NOP58: variants seen among roughly 807,000 people sequenced by gnomAD.
NOP58 encodes the protein nucleolar protein 58.
In NOP58, 44 loss-of-function variants were observed where a neutral mutation model predicts 71.2. The observed-to-expected ratio is 0.62, with a 90% CI of 0.49 to 0.79. The LOEUF is 0.79. NOP58 is among the 30% of genes least tolerant of loss of function. The pLI, the probability that NOP58 is intolerant of heterozygous loss-of-function variation, is 0.00. For missense variants in NOP58, 538 were observed against 620.2 expected, an observed-to-expected ratio of 0.87 and a Z score of 1.41; for synonymous variants, 228 against 200.3, an observed-to-expected ratio of 1.14 and a Z score of -1.17.
In NOP58 at chr2:202,287,064, CTTT is replaced by C. The variant is rs11326861; in HGVS notation, c.435-577_435-575del. 4.5e-5 allele frequency among the ~76,000 whole-genome samples: 5 copies of C among 110,714 alleles called. No individual in the cohort carries two copies. In the South Asian group the frequency reaches 9.5e-4, roughly 21 times the overall value. 72.6% of individuals were successfully genotyped at this position (110,714 alleles called of 152,430 possible). ...TTAAAAATTGCATGAACCAATATGG[CTTT>C]TTTTTTTTTTTTTTTTTTGAGGCGG... On this transcript the variant is annotated intron_variant, in intron 5 of 14. Transcript: ENST00000264279.
chr2:202,302,814 G>A (rs1689116209), intron 13 of NOP58, 107 bp from the exon 14 acceptor site: 2 of 1,410,620 alleles, frequency 1.4e-6, no homozygotes, highest in East Asian at 2.3e-5. Context: ...ACAAACATTG[G>A]GTAGTTGATG....
At chr2:202,276,110 G>A (rs1269040719) in intron 2 of NOP58, among the ~76,000 whole-genome samples, 7 of 152,146 alleles carry the variant, frequency 4.6e-5, no homozygotes, top group African/African-American at 1.4e-4. Context: ...ATACCAAGGT[G>A]GGTGGATCAT....
intron 9 of NOP58, among the ~76,000 whole-genome samples, chr2:202,293,939 T>C (rs1688946541): frequency 6.6e-6 from 1 of 152,066 alleles, no homozygotes; most frequent in East Asian, 1.9e-4. Flanking sequence ...AGCTATAAGA[T>C]CAGATGATTT....
intron 1 of NOP58, among the ~76,000 whole-genome samples, chr2:202,271,988 A>T (rs982339032): frequency 1.3e-5 from 2 of 152,152 alleles, no homozygotes; most frequent in Admixed American, 1.3e-4. Context: ...TACTTTGCTA[A>T]TAAGCATTAT....
At chr2:202,292,983 C>T (rs2105852319) in intron 9 of NOP58, 80 bp downstream of exon 9, 1 of 1,495,720 alleles carries the variant, frequency 6.7e-7, no homozygotes, top group East Asian at 2.3e-5. Flanking sequence ...CTTTAAACTA[C>T]AGCTGTTAAA....
intron 5 of NOP58, among the ~76,000 whole-genome samples, chr2:202,285,443 G>A (rs1688771552): frequency 6.7e-6 from 1 of 149,932 alleles, no homozygotes; most frequent in African/African-American, 2.5e-5. Context: ...GGACATCCTG[G>A]ACTCAAACAA....
intron 2 of NOP58, chr2:202,275,606 T>G (rs1270662463): frequency 6.5e-6 from 1 of 154,540 alleles, no homozygotes; most frequent in Non-Finnish European, 1.4e-5. Context: ...TAGCATGAAC[T>G]ACTTTTTCTT....
chr2:202,303,192 T>TTTGTTG, intron 14 of NOP58, 135 bp downstream of exon 14: 1 of 1,299,262 alleles, frequency 7.7e-7, no homozygotes, highest in Non-Finnish European at 1.1e-6. Context: ...GTGAAATGGC[T>TTTGTTG]TTGTTGTATT....
intron 3 of NOP58, among the ~76,000 whole-genome samples, chr2:202,279,234 C>T (rs1247809737): frequency 6.6e-6 from 1 of 152,116 alleles, no homozygotes; most frequent in Non-Finnish European, 1.5e-5. Context: ...GATCTTTAAT[C>T]TGCTTGGGAT....
chr2:202,282,507 T>A lies in NOP58; in HGVS notation c.297+35T>A, dbSNP rs765028662. 7.5e-6 allele frequency: 12 copies of A among 1,590,122 alleles called. No individual in the cohort carries two copies. The Admixed American group carries it at 7.6e-5, about 10-fold the overall frequency. On this transcript the variant is annotated intron_variant, in intron 4 of 14. Coordinates refer to ENST00000264279, the MANE Select transcript of NOP58 (RefSeq NM_015934.5). ...CGATATTTTTGGTCATGCCTGCTAG[T>A]CAGATCTCACAGCATACCAACTACA...
intron 2 of NOP58, 133 bp downstream of exon 2, chr2:202,275,322 G>T (rs1438242815): frequency 5.1e-6 from 3 of 584,186 alleles, no homozygotes; most frequent in African/African-American, 1.9e-5. Context: ...AATAATTTTG[G>T]TATGAACCTA....
intron 13 of NOP58, among the ~76,000 whole-genome samples, chr2:202,302,115 T>A (rs1689105084): frequency 7.3e-6 from 1 of 136,396 alleles, no homozygotes; most frequent in Non-Finnish European, 1.5e-5. Flanking sequence ...TGAGACAGAG[T>A]CTCCCTCTGT....
At chr2:202,293,810 G>A (rs2105852940) in intron 9 of NOP58, among the ~76,000 whole-genome samples, 1 of 152,016 alleles carries the variant, frequency 6.6e-6, no homozygotes, top group South Asian at 2.1e-4. Context: ...CCTGACCTCA[G>A]GTGATCTGCG....
At position 202,277,332 on chromosome 2, in the gene NOP58, C is replaced by T. The variant is rs1327999562; in HGVS notation, c.123-618C>T. Among the ~76,000 whole-genome samples the T allele has an allele frequency of 2.7e-5, 4 of 149,354 alleles. No individual in the cohort carries two copies. The East Asian group carries it at 7.9e-4, about 30-fold the overall frequency. ...AAAAAAAAAACAAAAACTAGCCAGGCATGGTGGCACAGGCACATGCCTGTA... is the reference window on the plus strand; with the variant it reads ...AAAAAAAAAACAAAAACTAGCCAGGTATGGTGGCACAGGCACATGCCTGTA... On this transcript the variant is annotated intron_variant, in intron 2 of 14. Transcript: ENST00000264279.
intron 13 of NOP58, among the ~76,000 whole-genome samples, chr2:202,301,269 C>G (rs1003744369): frequency 4.6e-5 from 7 of 152,142 alleles, no homozygotes; most frequent in African/African-American, 1.7e-4. Flanking sequence ...ACTGCAACCT[C>G]CACCTCCCAG....
chr2:202,284,791 A>G (rs1043887669), intron 5 of NOP58: 1 of 254,302 alleles, frequency 3.9e-6, no homozygotes, highest in African/African-American at 2.2e-5. Flanking sequence ...TCCCTCCTTT[A>G]TCTCTGCTAA....
chr2:202,291,966 A>ATTTTTT (rs1203276429), intron 8 of NOP58, among the ~76,000 whole-genome samples: 1 of 80,310 alleles, frequency 1.2e-5, no homozygotes, highest in Non-Finnish European at 2.7e-5. Context: ...ATTGCTCAGA[A>ATTTTTT]TCTTTTTTTT....
chr2:202,292,247 C>T (rs1018152344), intron 8 of NOP58, among the ~76,000 whole-genome samples: 12 of 151,756 alleles, frequency 7.9e-5, no homozygotes, highest in African/African-American at 2.4e-4. Context: ...CTGCCTCGAC[C>T]TCCCAAAGTG....
At chr2:202,274,558 A>G (rs1688560159) in intron 1 of NOP58, among the ~76,000 whole-genome samples, 1 of 152,004 alleles carries the variant, frequency 6.6e-6, no homozygotes, top group South Asian at 2.1e-4. Flanking sequence ...AAAGTTTTTA[A>G]TGATTACAAT....
Sources: allele counts gnomAD v4.1 joint callset (sites outside exome capture counted in the v4.1 genomes callset), GRCh38; gene constraint gnomAD v4.1.1; transcripts MANE v1.5; gene names NCBI Gene and HGNC (gene_info 2026-07-23, HGNC 2026-07-21).